Variants in CTNNA2 observed in about 807,000 individuals in gnomAD.
CTNNA2 encodes catenin alpha-2.
A neutral mutation model predicts 101.0 loss-of-function variants in CTNNA2; 42 were observed. The observed-to-expected ratio is 0.42, with a 90% CI of 0.32 to 0.54. The LOEUF is 0.54. Ranked by LOEUF, CTNNA2 falls within the 20% of genes least tolerant of loss-of-function variation. CTNNA2 has a pLI of 0.14. For synonymous variants in CTNNA2, 450 were observed against 456.4 expected, an observed-to-expected ratio of 0.99 and a Z score of 0.18; for missense variants, 871 against 1,223.1, an observed-to-expected ratio of 0.71 and a Z score of 4.29.
At chr2:79,421,665 T>A (rs1315450403) in intron 4 of CTNNA2, among the ~76,000 whole-genome samples, 4 of 152,064 alleles carry the variant, frequency 2.6e-5, no homozygotes, top group Non-Finnish European at 5.9e-5. Flanking sequence ...TAATTAGAAA[T>A]TAGTATTGTC....
intron 3 of CTNNA2, among the ~76,000 whole-genome samples, chr2:79,851,729 TTC>T (rs1680724528): frequency 7.1e-6 from 1 of 141,140 alleles, no homozygotes; most frequent in African/African-American, 2.6e-5. Context: ...TTTCATTTTT[TTC>T]TTTTCCTTTT....
chr2:80,445,797 G>A (rs1281972973), intron 9 of CTNNA2, among the ~76,000 whole-genome samples: 1 of 152,160 alleles, frequency 6.6e-6, no homozygotes, highest in Non-Finnish European at 1.5e-5. Context: ...ACAAATAATT[G>A]TGGATTTAAT....
chr2:79,627,881 C>T (rs532162023), intron 1 of CTNNA2, among the ~76,000 whole-genome samples: 1 of 152,222 alleles, frequency 6.6e-6, no homozygotes, highest in East Asian at 1.9e-4. Flanking sequence ...TCAAAACAGA[C>T]ATTTTATTTA....
intron 2 of CTNNA2, among the ~76,000 whole-genome samples, chr2:79,718,716 A>G (rs1271777058): frequency 6.6e-6 from 1 of 152,214 alleles, no homozygotes; most frequent in African/African-American, 2.4e-5. Context: ...TTTTATTGCA[A>G]GTAAATATGC....
intron 7 of CTNNA2, among the ~76,000 whole-genome samples, chr2:80,392,303 A>G (rs1270820907): frequency 1.3e-5 from 2 of 152,212 alleles, no homozygotes; most frequent in African/African-American, 4.8e-5. Flanking sequence ...ACCATAAATA[A>G]ATCAATCTGT....
At chr2:79,375,672 C>T (rs1677963009) in intron 4 of CTNNA2, among the ~76,000 whole-genome samples, 2 of 152,138 alleles carry the variant, frequency 1.3e-5, no homozygotes, top group African/African-American at 4.8e-5. Context: ...TAAGGTACTA[C>T]AGTGACACTA....
At chr2:79,650,880 T>C (rs1179501561) in intron 1 of CTNNA2, among the ~76,000 whole-genome samples, 1 of 148,490 alleles carries the variant, frequency 6.7e-6, no homozygotes, top group Non-Finnish European at 1.5e-5. Context: ...AGTGAGAATA[T>C]GCGGTGTGTG....
chr2:79,552,754 G>C (rs879336285), intron 1 of CTNNA2, among the ~76,000 whole-genome samples: 1 of 152,174 alleles, frequency 6.6e-6, no homozygotes, highest in African/African-American at 2.4e-5. Context: ...GCTGCTCCTT[G>C]GTCCCTTTTA....
At position 79,858,046 on chromosome 2, in the gene CTNNA2, C is replaced by T; in HGVS notation, c.332C>T (p.Ala111Val). ...ETMRIASSEF[A>V]DDPCSSVKRG... The stretch of plus-strand genomic sequence containing the variant: ...ATGCGGATCGCCTCCTCCGAGTTTG[C>T]AGATGACCCTTGCTCGTCGGTAAAG... Residue 111 changes from alanine (A) to valine (V), a missense_variant, in exon 4 of 19, where the codon GCA (alanine) becomes GTA (valine). By Grantham distance (64) the Ala-to-Val change is moderately conservative. Transcript: ENST00000402739. 6.2e-7 allele frequency: 1 copy of T among 1,613,758 alleles called. No homozygotes were observed. Among genetic ancestry groups the T allele is most frequent in the South Asian group, 1.1e-5 (1 of 91,076 alleles).
At chr2:80,338,968 C>T (rs957776062) in intron 7 of CTNNA2, among the ~76,000 whole-genome samples, 1 of 152,192 alleles carries the variant, frequency 6.6e-6, no homozygotes, top group Admixed American at 6.6e-5. Flanking sequence ...ACAATCAGAG[C>T]TGGCTATTTT....
At chr2:80,039,735 G>A (rs1695912640) in intron 7 of CTNNA2, among the ~76,000 whole-genome samples, 3 of 152,122 alleles carry the variant, frequency 2.0e-5, no homozygotes, top group Non-Finnish European at 4.4e-5. Context: ...TCTCTGCCAG[G>A]AAGATACAGT....
intron 7 of CTNNA2, among the ~76,000 whole-genome samples, chr2:80,042,887 A>C (rs1216917643): frequency 6.6e-6 from 1 of 152,168 alleles, no homozygotes; most frequent in Non-Finnish European, 1.5e-5. Flanking sequence ...AATTAGGGTC[A>C]GTTTGAGACT....
chr2:80,366,990 G>C (rs1461951166), intron 7 of CTNNA2, among the ~76,000 whole-genome samples: 2 of 149,032 alleles, frequency 1.3e-5, no homozygotes, highest in Non-Finnish European at 2.9e-5. Context: ...ACAGGTAGGT[G>C]AGAGACAAAT....
intron 7 of CTNNA2, among the ~76,000 whole-genome samples, chr2:80,221,690 C>T (rs549601626): frequency 5.0e-4 from 76 of 152,170 alleles, no homozygotes; most frequent in African/African-American, 1.8e-3. Context: ...GAAATGGATC[C>T]GATGCTGCAC....
intron 7 of CTNNA2, among the ~76,000 whole-genome samples, chr2:80,114,984 A>G (rs76893870): frequency 0.017 from 2,655 of 152,256 alleles, 71 homozygotes; most frequent in African/African-American, 0.059. Context: ...ATCAGAAGCT[A>G]TGTTTACACC....
chr2:79,433,148 T>C (rs916653648), intron 4 of CTNNA2, among the ~76,000 whole-genome samples: 2 of 152,218 alleles, frequency 1.3e-5, no homozygotes, highest in Non-Finnish European at 2.9e-5. Flanking sequence ...CTCAGCCTGA[T>C]GTTCTCATAG....
chr2:79,272,133 C>T (rs1368953), intron 2 of CTNNA2, among the ~76,000 whole-genome samples: 75,667 of 151,752 alleles, frequency 0.5, 19,727 homozygotes, highest in Non-Finnish European at 0.57. Flanking sequence ...TACGATACCC[C>T]TTTTATAAAG....
chr2:79,347,993 G>A (rs1367783218), intron 3 of CTNNA2, among the ~76,000 whole-genome samples: 1 of 151,990 alleles, frequency 6.6e-6, no homozygotes, highest in African/African-American at 2.4e-5. Context: ...AAGAACAGTT[G>A]TCACTGGAAG....
intron 2 of CTNNA2, among the ~76,000 whole-genome samples, chr2:79,290,572 A>G (rs1428863354): frequency 6.6e-6 from 1 of 152,154 alleles, no homozygotes; most frequent in African/African-American, 2.4e-5. Flanking sequence ...CTCATCGTCG[A>G]GAGGAACACA....
Sources: allele counts gnomAD v4.1 joint callset (sites outside exome capture counted in the v4.1 genomes callset), GRCh38; gene constraint gnomAD v4.1.1; transcripts MANE v1.5; gene names NCBI Gene and HGNC (gene_info 2026-07-23, HGNC 2026-07-21).